CEACAM1: variants seen among roughly 807,000 people sequenced by gnomAD.
CEACAM1 encodes the protein cell adhesion molecule CEACAM1.
CEACAM1 carries 31 observed loss-of-function variants against 49.1 expected under a neutral mutation model. The observed-to-expected ratio is 0.63, with a 90% CI of 0.47 to 0.85. The LOEUF (loss-of-function observed/expected upper bound fraction) is 0.85, where lower values mean the gene tolerates loss of function less well. Among genes scored for constraint, CEACAM1 ranks in the 40% least tolerant of loss-of-function variants. CEACAM1 has a pLI of 0.00. For missense variants in CEACAM1, 570 were observed against 645.3 expected (o/e 0.88, Z 1.26); for synonymous variants, 244 against 247.8 (o/e 0.98, Z 0.14).
At chr19:42,509,771 C>T (rs1229126968) in intron 8 of CEACAM1, among the ~76,000 whole-genome samples, 1 of 152,054 alleles carries the variant, frequency 6.6e-6, no homozygotes, top group East Asian at 1.9e-4. Flanking sequence ...GGATTACAGG[C>T]ATCCACTACC....
At chr19:42,519,570 CTT>C (rs34440555) in intron 4 of CEACAM1, 13,535 of 167,930 alleles carry the variant, frequency 0.081, 1,905 homozygotes, top group African/African-American at 0.32. Context: ...TTCCCACTGA[CTT>C]TTTTTTTTTT....
Position 42,527,376 on chromosome 19 carries a change from G to A in CEACAM1, c.89C>T (p.Pro30Leu), listed in dbSNP as rs749934399. ...LTASLLTFWN[P>L]PTTAQLTTES... is the part of the protein sequence containing the mutation. ...AGTAGTGAGCTGGGCAGTGGTGGGC[G>A]GGTTCCAGAAGGTTAGAAGTGAGGC... is the stretch of plus-strand genomic sequence containing the variant. The change falls in exon 2 of 9, where the codon CCG (proline) becomes CTG (leucine). Residue 30 changes from proline to leucine, a missense_variant. Coordinates refer to ENST00000161559, the MANE Select transcript of CEACAM1 (RefSeq NM_001712.5). 6.8e-6 allele frequency: 11 copies of A among 1,606,416 alleles called. No homozygotes were observed. The highest frequency in any genetic ancestry group is 4.5e-5 in the East Asian group (2 of 44,860).
intron 5 of CEACAM1, among the ~76,000 whole-genome samples, chr19:42,514,305 A>G (rs945920945): frequency 6.6e-6 from 1 of 151,542 alleles, no homozygotes; most frequent in African/African-American, 2.4e-5. Flanking sequence ...CTAATTTTGT[A>G]TTTTTAGTAG....
At chr19:42,516,922 A>G (rs2041614300) in intron 5 of CEACAM1, 4 of 394,732 alleles carry the variant, frequency 1.0e-5, no homozygotes, top group South Asian at 1.8e-5. Flanking sequence ...AACAACAATA[A>G]AACAAACAAA....
chr19:42,516,971 C>A, intron 5 of CEACAM1: 1 of 304,504 alleles, frequency 3.3e-6, no homozygotes, highest in Non-Finnish European at 6.3e-6. Context: ...CAGTATGGTA[C>A]TGGCAAAAAG....
chr19:42,527,638 G>T, intron 1 of CEACAM1: 1 of 514,148 alleles, frequency 1.9e-6, no homozygotes, highest in South Asian at 3.4e-5. Flanking sequence ...CCAGGGATCC[G>T]CATGGCTCCC....
In CEACAM1 at chr19:42,527,045, T is replaced by C. The variant is rs746267737; in HGVS notation, c.420A>G (p.Val140=). 1.9e-6 allele frequency: 3 copies of C among 1,596,608 alleles called. No individual in the cohort carries two copies. The highest frequency in any genetic ancestry group is 3.4e-5 in the Admixed American group (2 of 58,512). ...VNEEATGQFH[V]YPELPKPSIS... ...AGGTCATGGGGAAATACTCACGGTATACATGGAACTGTCCAGTTGCTTCTT... is the reference window on the plus strand; with the variant it reads ...AGGTCATGGGGAAATACTCACGGTACACATGGAACTGTCCAGTTGCTTCTT... The change falls in exon 2 of 9, where the codon GTA becomes GTG. Residue 140 remains valine (V), a synonymous_variant. Coordinates refer to ENST00000161559, the MANE Select transcript of CEACAM1 (RefSeq NM_001712.5).
Position 42,513,893 on chromosome 19 carries a change from CATATATAT to C in CEACAM1, c.1247-1422_1247-1415del, listed in dbSNP as rs144403954. Among the ~76,000 whole-genome samples the C allele has an allele frequency of 1.0e-4, 11 of 104,980 alleles. 1 individual carries two copies. The highest frequency in any genetic ancestry group is 5.4e-4 in the African/African-American group (11 of 20,546). The allele number at this position is 104,980 out of a possible 152,430, so 68.9% of individuals were successfully genotyped here. A position where few individuals can be genotyped will look rare whatever the true frequency, so the allele number is the denominator to read the frequency against. ...GTTTCTTGTATAATGCTTCTCCCTCCATATATATATATATATATATATATAATATATAA... is the reference window on the plus strand; with the variant it reads ...GTTTCTTGTATAATGCTTCTCCCTCCATATATATATATATATAATATATAA... On this transcript the variant is annotated intron_variant, in intron 5 of 8. Transcript: ENST00000161559.
chr19:42,512,958 G>A (rs2041498936), intron 5 of CEACAM1, among the ~76,000 whole-genome samples: 1 of 152,062 alleles, frequency 6.6e-6, no homozygotes, highest in Non-Finnish European at 1.5e-5. Flanking sequence ...GAGCCACTGC[G>A]CCCAACCCCA....
intron 4 of CEACAM1, 64 bp from the exon 5 acceptor site, chr19:42,519,299 G>C (rs974086546): frequency 5.3e-6 from 8 of 1,514,152 alleles, no homozygotes; most frequent in Non-Finnish European, 7.2e-6. Flanking sequence ...GGGGCCTAGG[G>C]CTATGCTCCT....
At position 42,528,442 on chromosome 19, in the gene CEACAM1, G is replaced by A. The variant is rs777197777; in HGVS notation, c.-68C>T. On this transcript the variant is annotated 5_prime_UTR_variant, in exon 1 of 9. Transcript: ENST00000161559. ...TGGGCTCCAGGAACGCTTCGAGCAC[G>A]GCTGCTCTGTCACCTCTGCTGTTTT... 8 of 1,487,972 alleles carry A rather than the reference G, an allele frequency of 5.4e-6. No homozygotes were observed. In the East Asian group the frequency reaches 6.8e-5, roughly 13 times the overall value. 92.2% of individuals were successfully genotyped at this position (1,487,972 alleles called of 1,614,324 possible). A position where few individuals can be genotyped will look rare whatever the true frequency, so the allele number is the denominator to read the frequency against.
At chr19:42,523,814 A>C (rs547629417) in intron 2 of CEACAM1, among the ~76,000 whole-genome samples, 18 of 152,358 alleles carry the variant, frequency 1.2e-4, no homozygotes, top group Non-Finnish European at 2.1e-4. Flanking sequence ...CAAGCTCTGA[A>C]GTCCAGTAGG....
At chr19:42,511,726 C>T in intron 6 of CEACAM1, 98 bp from the exon 7 acceptor site, 1 of 1,121,288 alleles carries the variant, frequency 8.9e-7, no homozygotes, top group East Asian at 2.3e-5. Flanking sequence ...TCCTTAGAGT[C>T]CTTGATGTTC....
chr19:42,508,098 G>A lies in CEACAM1; in HGVS notation c.*1011C>T, dbSNP rs1170511659. ...ATTTCGGTGGTTTCTTTCACCTAAG[G>A]CAATCGGATTGGCTGACATAGCTAA... On this transcript the variant is annotated 3_prime_UTR_variant, in exon 9 of 9. Transcript: ENST00000161559. 3 of 152,092 alleles carry A rather than the reference G, an allele frequency of 2.0e-5. No individual in the cohort carries two copies. In the East Asian group the frequency reaches 5.8e-4, roughly 29 times the overall value. The allele number at this position is 152,092 out of a possible 1,614,324, so 9.4% of individuals were successfully genotyped here.
chr19:42,509,190 G>A lies in CEACAM1; in HGVS notation c.1500C>T (p.Ala500=), dbSNP rs148127433. The change falls in exon 9 of 9, where the codon GCC becomes GCT. Residue 500 remains alanine (A), a synonymous_variant. Coordinates refer to ENST00000161559, the MANE Select transcript of CEACAM1 (RefSeq NM_001712.5). ...EVTYSTLNFE[A]QQPTQPTSAS... ...CTGAAGTTGGTTGTGTGGGTTGCTGGGCTTCAAAGTTCAGGGTAGAATAAG... is the reference window on the plus strand; with the variant it reads ...CTGAAGTTGGTTGTGTGGGTTGCTGAGCTTCAAAGTTCAGGGTAGAATAAG... 348 of 1,613,548 alleles carry A rather than the reference G, an allele frequency of 2.2e-4. 1 individual carries two copies. Among genetic ancestry groups the A allele is most frequent in the Non-Finnish European group, 2.7e-4 (317 of 1,179,700 alleles).
chr19:42,514,512 C>T (rs1393093458), intron 5 of CEACAM1, among the ~76,000 whole-genome samples: 1 of 152,198 alleles, frequency 6.6e-6, no homozygotes, highest in Non-Finnish European at 1.5e-5. Flanking sequence ...TTCCTGGGCT[C>T]AAGAGATCCT....
chr19:42,513,589 T>A (rs2041515889), intron 5 of CEACAM1, among the ~76,000 whole-genome samples: 1 of 151,792 alleles, frequency 6.6e-6, no homozygotes, highest in South Asian at 2.1e-4. Context: ...AGAGTGAGAC[T>A]CTGTCTCAAA....
intron 5 of CEACAM1, among the ~76,000 whole-genome samples, chr19:42,514,320 G>T (rs189998048): frequency 6.6e-6 from 1 of 151,796 alleles, no homozygotes; most frequent in African/African-American, 2.4e-5. Flanking sequence ...TAGTAGAGAC[G>T]GGGTTTCTCC....
intron 2 of CEACAM1, among the ~76,000 whole-genome samples, chr19:42,523,758 A>G (rs998600195): frequency 6.6e-6 from 1 of 152,218 alleles, no homozygotes; most frequent in Non-Finnish European, 1.5e-5. Context: ...TCTAACACCA[A>G]TTAATAAGAG....
Sources: allele counts gnomAD v4.1 joint callset (sites outside exome capture counted in the v4.1 genomes callset), GRCh38; gene constraint gnomAD v4.1.1; transcripts MANE v1.5; gene names NCBI Gene and HGNC (gene_info 2026-07-23, HGNC 2026-07-21).